STRBP: variants seen among roughly 807,000 people sequenced by gnomAD.
The protein encoded by STRBP is spermatid perinuclear RNA binding protein.
In STRBP, 13 loss-of-function variants were observed where a neutral mutation model predicts 80.1. The observed-to-expected ratio is 0.16, with a 90% CI of 0.11 to 0.26. The LOEUF (loss-of-function observed/expected upper bound fraction) is 0.26, where lower values mean the gene tolerates loss of function less well. Ranked by LOEUF, STRBP falls within the 10% of genes least tolerant of loss-of-function variation. The probability of loss-of-function intolerance (pLI) is 1.00; values close to 1 mark genes in which losing one functional copy is unlikely to be tolerated. For missense variants in STRBP, 485 were observed against 815.2 expected (o/e 0.59, Z 4.93); for synonymous variants, 284 against 291.2 (o/e 0.98, Z 0.25).
intron 2 of STRBP, among the ~76,000 whole-genome samples, chr9:123,214,502 A>T (rs992965267): frequency 2.0e-5 from 3 of 152,242 alleles, no homozygotes; most frequent in South Asian, 2.1e-4. Context: ...GGAAATAAAA[A>T]TTTTTTATTA....
intron 4 of STRBP, among the ~76,000 whole-genome samples, chr9:123,178,047 C>A (rs1195261594): frequency 2.0e-5 from 3 of 152,138 alleles, no homozygotes; most frequent in Non-Finnish European, 4.4e-5. Context: ...AATGTATAAA[C>A]TGCCTGTAAA....
At chr9:123,189,846 A>C (rs886625038) in intron 2 of STRBP, among the ~76,000 whole-genome samples, 1 of 152,214 alleles carries the variant, frequency 6.6e-6, no homozygotes, top group Non-Finnish European at 1.5e-5. Flanking sequence ...TTAAAGTATA[A>C]TAAAAATAAA....
chr9:123,230,656 T>G (rs1041186300), intron 2 of STRBP, among the ~76,000 whole-genome samples: 7 of 152,210 alleles, frequency 4.6e-5, no homozygotes, highest in African/African-American at 1.7e-4. Context: ...ATATTTATTT[T>G]TCAAAGACAC....
chr9:123,225,180 G>A (rs992279615), intron 2 of STRBP, among the ~76,000 whole-genome samples: 6 of 152,146 alleles, frequency 3.9e-5, no homozygotes, highest in Non-Finnish European at 7.4e-5. Context: ...ATGAGGACAC[G>A]GGAGAAGTTT....
At chr9:123,203,014 TCC>T (rs2132513454) in intron 2 of STRBP, among the ~76,000 whole-genome samples, 1 of 152,182 alleles carries the variant, frequency 6.6e-6, no homozygotes, top group East Asian at 1.9e-4. Context: ...AATAAACCCT[TCC>T]CCAGAGTTTA....
chr9:123,180,377 ACCTT>A (rs1412485592), intron 3 of STRBP, among the ~76,000 whole-genome samples: 1 of 152,176 alleles, frequency 6.6e-6, no homozygotes. Flanking sequence ...TGACATTCAA[ACCTT>A]TGGTGCAAGG....
intron 3 of STRBP, chr9:123,113,826 T>C (rs532806415): frequency 1.7e-4 from 29 of 167,220 alleles, no homozygotes; most frequent in African/African-American, 6.5e-4. Flanking sequence ...TACAGCCCTG[T>C]GTATTTGTAA....
intron 6 of STRBP, among the ~76,000 whole-genome samples, chr9:123,162,588 G>A (rs1014558842): frequency 6.6e-6 from 1 of 152,144 alleles, no homozygotes; most frequent in African/African-American, 2.4e-5. Flanking sequence ...TCTATTAAAG[G>A]AAGAACTGTG....
chr9:123,255,526 A>G (rs943051105), intron 1 of STRBP, among the ~76,000 whole-genome samples: 1 of 152,226 alleles, frequency 6.6e-6, no homozygotes, highest in Non-Finnish European at 1.5e-5. Context: ...TGTAAGTTGT[A>G]TCAAGCTACT....
rs552574871 is a variant in STRBP at position 123,222,245 on chromosome 9, T to C, written c.-165+14585A>G. Among the ~76,000 whole-genome samples the C allele has an allele frequency of 1.1e-3, 163 of 151,998 alleles. 1 individual carries two copies. Among genetic ancestry groups the C allele is most frequent in the Non-Finnish European group, 1.8e-3 (125 of 67,996 alleles). Reference sequence around the variant, plus strand: ...TTCAAGTTGTCTCAAATTTGGCCTGTGGTAGCCTTTACAAGTGAGTTCCTG... The same window carrying C: ...TTCAAGTTGTCTCAAATTTGGCCTGCGGTAGCCTTTACAAGTGAGTTCCTG... On this transcript the variant is annotated intron_variant, in intron 2 of 18. Transcript: ENST00000348403.
chr9:123,244,657 A>G (rs892006254), intron 1 of STRBP, among the ~76,000 whole-genome samples: 1 of 152,224 alleles, frequency 6.6e-6, no homozygotes, highest in Non-Finnish European at 1.5e-5. Context: ...ATTGATGTCA[A>G]ACGCTGGCAA....
At chr9:123,229,070 G>T (rs1167206567) in intron 2 of STRBP, among the ~76,000 whole-genome samples, 2 of 152,190 alleles carry the variant, frequency 1.3e-5, no homozygotes, top group Non-Finnish European at 2.9e-5. Context: ...CTAAGGGAAA[G>T]AAGCTAGTCA....
chr9:123,223,400 C>T (rs1207288200), intron 2 of STRBP, among the ~76,000 whole-genome samples: 3 of 151,926 alleles, frequency 2.0e-5, no homozygotes, highest in African/African-American at 7.3e-5. Context: ...TTTTAGCAAA[C>T]GTGCCAACAG....
chr9:123,144,784 C>T (rs1427767346), intron 13 of STRBP, among the ~76,000 whole-genome samples: 1 of 152,094 alleles, frequency 6.6e-6, no homozygotes, highest in Non-Finnish European at 1.5e-5. Context: ...GAACAAACTA[C>T]CTCAAAATAG....
intron 2 of STRBP, among the ~76,000 whole-genome samples, chr9:123,204,878 T>G (rs1233138435): frequency 7.5e-6 from 1 of 132,748 alleles, no homozygotes; most frequent in African/African-American, 3.0e-5. Flanking sequence ...GAGCCGAGAC[T>G]GCGCCACTGC....
At chr9:123,223,104 A>G (rs2040124306) in intron 2 of STRBP, among the ~76,000 whole-genome samples, 1 of 151,032 alleles carries the variant, frequency 6.6e-6, no homozygotes, top group African/African-American at 2.4e-5. Flanking sequence ...GATAAAAATG[A>G]GCTCATCTAA....
intron 14 of STRBP, among the ~76,000 whole-genome samples, chr9:123,137,077 A>G (rs950215091): frequency 6.6e-6 from 1 of 152,220 alleles, no homozygotes; most frequent in Non-Finnish European, 1.5e-5. Context: ...TCAAGGAGCT[A>G]GAGTGTAGTG....
chr9:123,162,169 G>T (rs1349235530), intron 6 of STRBP, among the ~76,000 whole-genome samples: 1 of 151,876 alleles, frequency 6.6e-6, no homozygotes, highest in Admixed American at 6.6e-5. Flanking sequence ...GATACTTTTT[G>T]ATTTCTTCAG....
intron 6 of STRBP, among the ~76,000 whole-genome samples, chr9:123,163,163 G>GAAGTA (rs1275030461): frequency 6.6e-5 from 10 of 152,284 alleles, no homozygotes; most frequent in Admixed American, 5.9e-4. Context: ...ATGGAAGAGG[G>GAAGTA]AAGTAACACA....
Sources: allele counts gnomAD v4.1 joint callset (sites outside exome capture counted in the v4.1 genomes callset), GRCh38; gene constraint gnomAD v4.1.1; transcripts MANE v1.5; gene names NCBI Gene and HGNC (gene_info 2026-07-23, HGNC 2026-07-21).